RNF8: variants seen among roughly 807,000 people sequenced by gnomAD.
RNF8 encodes E3 ubiquitin-protein ligase RNF8.
Under a neutral mutation model 59.3 loss-of-function variants are expected in RNF8, and 8 were observed. The ratio of observed to expected loss-of-function variants is 0.13; its 90% CI spans 0.08 to 0.24. RNF8 has a LOEUF of 0.24. Among genes scored for constraint, RNF8 ranks in the 10% least tolerant of loss-of-function variants. RNF8 has a pLI of 1.00. For missense variants in RNF8, 406 were observed against 572.6 expected, an observed-to-expected ratio of 0.71 and a Z score of 2.97; for synonymous variants, 162 against 200.0, an observed-to-expected ratio of 0.81 and a Z score of 1.60.
intron 2 of RNF8, among the ~76,000 whole-genome samples, chr6:37,364,155 G>C (rs982954400): frequency 1.4e-4 from 20 of 146,890 alleles, no homozygotes; most frequent in African/African-American, 5.2e-4. Context: ...CTCCAGCCTG[G>C]GGGACAGAGC....
intron 2 of RNF8, chr6:37,361,406 G>A (rs1319734692): frequency 2.2e-6 from 1 of 455,342 alleles, no homozygotes; most frequent in Non-Finnish European, 4.4e-6. Context: ...CAAAACTGCT[G>A]TGCTCATCAA....
intron 7 of RNF8, among the ~76,000 whole-genome samples, chr6:37,389,343 C>A (rs1289261096): frequency 1.3e-5 from 2 of 151,156 alleles, no homozygotes. Flanking sequence ...AGTCAGAAGT[C>A]AGTTTACAGT....
At position 37,368,616 on chromosome 6, in the gene RNF8, A is replaced by G. The variant is rs1769665232; in HGVS notation, c.373A>G (p.Thr125Ala). 1 of 1,614,214 alleles carries G rather than the reference A, an allele frequency of 6.2e-7. No individual in the cohort carries two copies. The highest frequency in any genetic ancestry group is 1.7e-5 in the Admixed American group (1 of 60,032). Residue 125 changes from threonine to alanine, a missense_variant, in exon 3 of 8, where the codon ACT becomes GCT. Thr to Ala is a moderately conservative substitution (Grantham distance 58). Coordinates refer to ENST00000373479, the MANE Select transcript of RNF8 (RefSeq NM_003958.4). ...KENAEYEYEVTEEDWETIYPC... is the reference protein window; with the variant it reads ...KENAEYEYEVAEEDWETIYPC... The stretch of plus-strand genomic sequence containing the variant: ...GAATGCGGAGTATGAATATGAAGTT[A>G]CTGAAGAAGACTGGGAGACAATATA...
In RNF8 at chr6:37,354,193, G is replaced by T. The variant is rs766441202; in HGVS notation, c.29G>T (p.Gly10Val). 24 of 1,584,498 alleles carry T rather than the reference G, an allele frequency of 1.5e-5. No homozygotes were observed. Among genetic ancestry groups the T allele is most frequent in the Non-Finnish European group, 2.1e-5 (24 of 1,166,244 alleles). MGEPGFFVT[G>V]DRAGGRSWCL... Reference sequence around the variant, plus strand: ...GGGGAGCCCGGCTTCTTCGTCACAGGAGACCGCGCCGGTGGCCGGAGCTGG... The same window carrying T: ...GGGGAGCCCGGCTTCTTCGTCACAGTAGACCGCGCCGGTGGCCGGAGCTGG... Residue 10 changes from glycine to valine, a missense_variant, in exon 1 of 8, where the codon GGA (glycine) becomes GTA (valine). Coordinates refer to ENST00000373479, the MANE Select transcript of RNF8 (RefSeq NM_003958.4).
In RNF8 at chr6:37,381,197, T is replaced by G; in HGVS notation, c.1284T>G (p.Asn428Lys). The G allele has an allele frequency of 8.7e-6, 14 of 1,614,200 alleles. No individual in the cohort carries two copies. Among genetic ancestry groups the G allele is most frequent in the Non-Finnish European group, 1.2e-5 (14 of 1,180,046 alleles). Residue 428 changes from asparagine (N) to lysine (K), a missense_variant, in exon 7 of 8, where the codon AAT becomes AAG. Asn to Lys is a moderately conservative substitution (Grantham distance 94). Coordinates refer to ENST00000373479, the MANE Select transcript of RNF8 (RefSeq NM_003958.4). ...ACAGTTTCTGCTCCTACTGTATCAA[T>G]GAATGGATGAAGCGGAAGATAGAAT... ...CAHSFCSYCI[N>K]EWMKRKIECP...
intron 2 of RNF8, among the ~76,000 whole-genome samples, chr6:37,363,173 T>A (rs1479108521): frequency 6.6e-6 from 1 of 152,196 alleles, no homozygotes; most frequent in African/African-American, 2.4e-5. Flanking sequence ...CCCTGTTGAG[T>A]GTACTCTTAC....
At chr6:37,371,459 C>A in intron 3 of RNF8, 53 bp from the exon 4 acceptor site, 1 of 1,503,658 alleles carries the variant, frequency 6.7e-7, no homozygotes, top group South Asian at 1.1e-5. Context: ...GGATTGTGTT[C>A]CTTTTTTTCT....
chr6:37,371,495 T>C lies in RNF8; in HGVS notation c.976-17T>C, dbSNP rs1769804747. 1.9e-6 allele frequency: 3 copies of C among 1,611,974 alleles called. No homozygotes were observed. In the South Asian group the frequency reaches 3.3e-5, roughly 18 times the overall value. ...TTTCCCTGCAGAGAAACCTTCCATTTTGTTTTGGCTTTGCAGGGTTTGGAG... is the reference window on the plus strand; with the variant it reads ...TTTCCCTGCAGAGAAACCTTCCATTCTGTTTTGGCTTTGCAGGGTTTGGAG... On this transcript the variant is annotated splice_polypyrimidine_tract_variant and intron_variant, in intron 3 of 7. Transcript: ENST00000373479.
intron 1 of RNF8, among the ~76,000 whole-genome samples, chr6:37,358,132 G>A (rs1439479553): frequency 6.6e-6 from 1 of 152,142 alleles, no homozygotes; most frequent in Non-Finnish European, 1.5e-5. Context: ...TTAGCAGAGG[G>A]GCTAAGTGAA....
intron 1 of RNF8, among the ~76,000 whole-genome samples, chr6:37,354,909 C>A (rs1769056758): frequency 6.6e-6 from 1 of 152,218 alleles, no homozygotes; most frequent in Non-Finnish European, 1.5e-5. Context: ...ATCAAACTTT[C>A]ACGTAGAAAT....
In RNF8 at chr6:37,369,133, C is replaced by T. The variant is rs1769695988; in HGVS notation, c.890C>T (p.Ser297Phe). The T allele has an allele frequency of 2.5e-6, 4 of 1,614,156 alleles. No homozygotes were observed. Among genetic ancestry groups the T allele is most frequent in the East Asian group, 2.2e-5 (1 of 44,890 alleles). The change falls in exon 3 of 8, where the codon TCC (serine) becomes TTC (phenylalanine). Residue 297 changes from serine (S) to phenylalanine (F), a missense_variant. Coordinates refer to ENST00000373479, the MANE Select transcript of RNF8 (RefSeq NM_003958.4). Reference protein sequence around the residue: ...QMEQELQDLQSQLCAEQAQQQ... With the variant: ...QMEQELQDLQFQLCAEQAQQQ... ...GAGCAGGAACTTCAGGACTTACAGTCCCAGCTGTGTGCAGAGCAGGCTCAG... is the reference window on the plus strand; with the variant it reads ...GAGCAGGAACTTCAGGACTTACAGTTCCAGCTGTGTGCAGAGCAGGCTCAG...
intron 7 of RNF8, among the ~76,000 whole-genome samples, chr6:37,389,062 T>G (rs1173884761): frequency 6.6e-6 from 1 of 152,176 alleles, no homozygotes; most frequent in Non-Finnish European, 1.5e-5. Context: ...GAAATAATAT[T>G]TGTTAGTGTA....
rs541964201 is a variant in RNF8, at chr6:37,394,209, T to C, written c.*3451T>C. Reference sequence around the variant, plus strand: ...ACTTGTTCATAGGTGTGGGGCCTGATTGGAACAGGATCTGCCATTGGTCAC... The same window carrying C: ...ACTTGTTCATAGGTGTGGGGCCTGACTGGAACAGGATCTGCCATTGGTCAC... On this transcript the variant is annotated 3_prime_UTR_variant, in exon 8 of 8. Coordinates refer to ENST00000373479, the MANE Select transcript of RNF8 (RefSeq NM_003958.4). 6 of 152,316 alleles carry C rather than the reference T, an allele frequency of 3.9e-5. No individual in the cohort carries two copies. The highest frequency in any genetic ancestry group is 3.4e-3 in the Middle Eastern group (1 of 294). 9.4% of individuals were successfully genotyped at this position (152,316 alleles called of 1,614,324 possible).
chr6:37,382,699 G>C (rs1225324728), intron 7 of RNF8, among the ~76,000 whole-genome samples: 1 of 152,178 alleles, frequency 6.6e-6, no homozygotes, highest in African/African-American at 2.4e-5. Context: ...GAAAGAAAAG[G>C]CTGGGCACGG....
intron 5 of RNF8, 143 bp downstream of exon 5, chr6:37,374,852 A>G: frequency 1.6e-6 from 1 of 627,684 alleles, no homozygotes; most frequent in Non-Finnish European, 2.8e-6. Context: ...AAAATTATAG[A>G]GGCCTATAGC....
intron 6 of RNF8, 61 bp downstream of exon 6, chr6:37,377,094 C>G: frequency 2.9e-6 from 2 of 685,126 alleles, no homozygotes; most frequent in South Asian, 3.5e-5. Context: ...TTTTTTGAGA[C>G]AGAGTCTCAC....
At chr6:37,382,999 G>A (rs1188744145) in intron 7 of RNF8, among the ~76,000 whole-genome samples, 1 of 151,726 alleles carries the variant, frequency 6.6e-6, no homozygotes, top group African/African-American at 2.4e-5. Context: ...GGAAAGAAGG[G>A]CCCTGGGCCC....
rs189759464 is a variant in RNF8, at chr6:37,389,879, G to T, written c.1442-863G>T. 1.1e-3 allele frequency among the ~76,000 whole-genome samples: 174 copies of T among 152,306 alleles called. 1 individual carries two copies. Among genetic ancestry groups the T allele is most frequent in the Non-Finnish European group, 1.9e-3 (129 of 68,028 alleles). On this transcript the variant is annotated intron_variant, in intron 7 of 7. Transcript: ENST00000373479. ...AGCCCCAAGGCCCACCACCTCAAAG[G>T]CTACCCAGAAGTGGGAGACGAATAA... is the stretch of plus-strand genomic sequence containing the variant.
Position 37,360,484 on chromosome 6 carries a change from G to A in RNF8, c.150G>A (p.Leu50=), listed in dbSNP as rs747409798. Residue 50 remains leucine, a synonymous_variant, in exon 2 of 8, where the codon CTG becomes CTA. Coordinates refer to ENST00000373479, the MANE Select transcript of RNF8 (RefSeq NM_003958.4). This position sits in a 1 kb window ranked among gnomAD's most constrained non-coding sequence, Gnocchi z 4.2. ...GAGGATTTGGTGTCACATACCAACT[G>A]GTATCAAAAATCTGCCCCCTGATGA... The part of the protein sequence containing the change: ...VGRGFGVTYQ[L]VSKICPLMIS... 1.2e-6 allele frequency: 2 copies of A among 1,613,764 alleles called. No individual in the cohort carries two copies. Among genetic ancestry groups the A allele is most frequent in the Middle Eastern group, 1.6e-4 (1 of 6,082 alleles).
Sources: allele counts gnomAD v4.1 joint callset (sites outside exome capture counted in the v4.1 genomes callset), GRCh38; gene constraint gnomAD v4.1.1; non-coding constraint Gnocchi (gnomAD v3.1); transcripts MANE v1.5; gene names NCBI Gene and HGNC (gene_info 2026-07-23, HGNC 2026-07-21).